Variants in SHISA6 observed in about 807,000 individuals in gnomAD.
SHISA6 encodes shisa family member 6.
Under a neutral mutation model 47.9 loss-of-function variants are expected in SHISA6, and 22 were observed. That is an observed-to-expected ratio of 0.46 (90% CI 0.33 to 0.66). The LOEUF (loss-of-function observed/expected upper bound fraction) is 0.66. Ranked by LOEUF, SHISA6 falls within the 30% of genes least tolerant of loss-of-function variation. SHISA6 has a pLI of 0.02. For missense variants in SHISA6, 680 were observed against 764.6 expected, an observed-to-expected ratio of 0.89 and a Z score of 1.30; for synonymous variants, 388 against 337.8, an observed-to-expected ratio of 1.15 and a Z score of -1.63.
intron 3 of SHISA6, among the ~76,000 whole-genome samples, chr17:11,532,967 G>T (rs757860124): frequency 6.6e-6 from 1 of 152,024 alleles, no homozygotes; most frequent in African/African-American, 2.4e-5. Context: ...ACTTCTCAGG[G>T]ATCTGGCAGA....
chr17:11,487,568 CCT>C (rs1270544050), intron 3 of SHISA6, among the ~76,000 whole-genome samples: 1 of 152,162 alleles, frequency 6.6e-6, no homozygotes. Flanking sequence ...GTAATCCTCC[CCT>C]GAGATTAGGC....
At chr17:11,544,973 A>G (rs979440609) in intron 3 of SHISA6, among the ~76,000 whole-genome samples, 1 of 151,722 alleles carries the variant, frequency 6.6e-6, no homozygotes, top group Non-Finnish European at 1.5e-5. Context: ...AAAAAAAAAA[A>G]AAAAAAAAAT....
Position 11,558,088 on chromosome 17 carries a change from C to T in SHISA6, c.1440C>T (p.Val480=). 1.3e-6 allele frequency: 2 copies of T among 1,551,628 alleles called. No individual in the cohort carries two copies. The highest frequency in any genetic ancestry group is 1.7e-6 in the Non-Finnish European group (2 of 1,147,002). ...CCAGGGCCATCTCGCACACGGACGT[C>T]TTTGTGTCCACACCCGTGCTGGACC... The part of the protein sequence containing the change: ...SLSRAISHTD[V]FVSTPVLDRY... Residue 480 remains valine (V), a synonymous_variant, in exon 6 of 6, where the codon GTC becomes GTT. Coordinates refer to ENST00000441885, the MANE Select transcript of SHISA6 (RefSeq NM_207386.4).
chr17:11,459,757 G>A (rs185202283), intron 3 of SHISA6, among the ~76,000 whole-genome samples: 56 of 152,248 alleles, frequency 3.7e-4, no homozygotes, highest in Admixed American at 6.5e-4. Context: ...TCCTTCCCTC[G>A]ATCACTGGGT....
rs566434392 is a variant in SHISA6, at chr17:11,287,212, AAAAG to A, written c.799+23705_799+23708del. Among the ~76,000 whole-genome samples, 374 of 150,384 alleles carry A rather than the reference AAAAG, an allele frequency of 2.5e-3. 3 individuals are homozygous for A. Among genetic ancestry groups the A allele is most frequent in the Middle Eastern group, 7.1e-3 (2 of 282 alleles). On this transcript the variant is annotated intron_variant, in intron 2 of 5. Transcript: ENST00000441885. ...GAATTGGAGGCTGTAGTGTGTAATG[AAAAG>A]AAAGAAAGAAAGAAAGAAGGGAAGG...
chr17:11,496,511 G>A lies in SHISA6; in HGVS notation c.896-55385G>A, dbSNP rs189118064. On this transcript the variant is annotated intron_variant, in intron 3 of 5. Transcript: ENST00000441885. ...TCCCAACACTTTGGGAGGCTGAGGC[G>A]GGTGAATCACGAGGTCAGGAGTTCG... Among the ~76,000 whole-genome samples the A allele has an allele frequency of 1.6e-4, 25 of 152,186 alleles. No individual in the cohort carries two copies. The East Asian group carries it at 3.9e-3, about 24-fold the overall frequency.
At chr17:11,292,558 C>T (rs527847944) in intron 2 of SHISA6, among the ~76,000 whole-genome samples, 1 of 152,086 alleles carries the variant, frequency 6.6e-6, no homozygotes, top group African/African-American at 2.4e-5. Context: ...ATCTCAGTAA[C>T]CTAGCAACAC....
intron 3 of SHISA6, among the ~76,000 whole-genome samples, chr17:11,490,902 T>C (rs1916458771): frequency 6.6e-6 from 1 of 152,160 alleles, no homozygotes; most frequent in Non-Finnish European, 1.5e-5. Context: ...AGGGGCTTTG[T>C]GAGGAATGCA....
chr17:11,550,653 A>ACCAGAATAAAATGAGGAG (rs2071924021), intron 3 of SHISA6, among the ~76,000 whole-genome samples: 1 of 152,196 alleles, frequency 6.6e-6, no homozygotes, highest in Non-Finnish European at 1.5e-5. Flanking sequence ...AAGCCTGGAC[A>ACCAGAATAAAATGAGGAG]CCAGAATAAA....
intron 3 of SHISA6, among the ~76,000 whole-genome samples, chr17:11,392,579 G>A (rs1267905974): frequency 6.6e-6 from 1 of 152,156 alleles, no homozygotes; most frequent in Non-Finnish European, 1.5e-5. Flanking sequence ...GTCATGAATG[G>A]AAGCATCATG....
At chr17:11,552,159 G>A (rs538289612) in intron 4 of SHISA6, among the ~76,000 whole-genome samples, 7 of 152,236 alleles carry the variant, frequency 4.6e-5, no homozygotes, top group East Asian at 3.9e-4. Flanking sequence ...TTCTGTCTCC[G>A]ATATCAGAAT....
At chr17:11,556,576 T>C (rs566485411) in intron 5 of SHISA6, among the ~76,000 whole-genome samples, 35 of 152,252 alleles carry the variant, frequency 2.3e-4, no homozygotes, top group Middle Eastern at 3.4e-3. Context: ...CCAACTGCAG[T>C]TGGAGCCTCA....
chr17:11,285,899 C>T (rs536404296), intron 2 of SHISA6, among the ~76,000 whole-genome samples: 5 of 150,774 alleles, frequency 3.3e-5, no homozygotes, highest in African/African-American at 9.8e-5. Flanking sequence ...TGCAATGGCG[C>T]GATCTTGGCT....
chr17:11,510,575 T>C (rs2142354195), intron 3 of SHISA6, among the ~76,000 whole-genome samples: 1 of 152,318 alleles, frequency 6.6e-6, no homozygotes, highest in East Asian at 1.9e-4. Context: ...AGTAAAATCC[T>C]TGTTCTAGCT....
At chr17:11,345,730 AGACTT>A (rs1445777120) in intron 2 of SHISA6, among the ~76,000 whole-genome samples, 3 of 152,104 alleles carry the variant, frequency 2.0e-5, no homozygotes, top group African/African-American at 4.8e-5. Flanking sequence ...ATGCTATTAT[AGACTT>A]GACTTATTAA....
intron 2 of SHISA6, chr17:11,290,069 C>T (rs1324830690): frequency 2.0e-5 from 3 of 152,090 alleles, no homozygotes; most frequent in African/African-American, 7.2e-5. Context: ...TATGCTTTTG[C>T]CCAAAGGTTA....
intron 3 of SHISA6, among the ~76,000 whole-genome samples, chr17:11,464,305 T>C (rs1915759049): frequency 6.6e-6 from 1 of 152,200 alleles, no homozygotes; most frequent in African/African-American, 2.4e-5. Flanking sequence ...TATAATTGTT[T>C]GCATCATAAA....
At chr17:11,450,994 T>C (rs908779960) in intron 3 of SHISA6, among the ~76,000 whole-genome samples, 1 of 127,662 alleles carries the variant, frequency 7.8e-6, no homozygotes, top group Non-Finnish European at 1.6e-5. Context: ...AAATAGAAAA[T>C]TAAAAAAAAA....
chr17:11,555,466 C>A (rs2071968880), intron 4 of SHISA6, among the ~76,000 whole-genome samples: 1 of 151,994 alleles, frequency 6.6e-6, no homozygotes, highest in African/African-American at 2.4e-5. Flanking sequence ...CAGAGATGTA[C>A]TGAGAGAGAG....
Sources: allele counts gnomAD v4.1 joint callset (sites outside exome capture counted in the v4.1 genomes callset), GRCh38; gene constraint gnomAD v4.1.1; transcripts MANE v1.5; gene names NCBI Gene and HGNC (gene_info 2026-07-23, HGNC 2026-07-21).